The following MYO10 variants were observed in gnomAD, a reference collection of about 807,000 sequenced individuals.
The protein encoded by MYO10 is unconventional myosin-X.
Under a neutral mutation model 257.3 loss-of-function variants are expected in MYO10, and 133 were observed. That is an observed-to-expected ratio of 0.52 (90% CI 0.45 to 0.60). The LOEUF is 0.60. Ranked by LOEUF, MYO10 falls within the 20% of genes least tolerant of loss-of-function variation. The pLI is 0.00. For synonymous variants in MYO10, 1,104 were observed against 1,028.6 expected (o/e 1.07, Z -1.40); for missense variants, 2,399 against 2,635.7 (o/e 0.91, Z 1.97).
chr5:16,838,463 T>C (rs1743378756), intron 2 of MYO10, among the ~76,000 whole-genome samples: 1 of 152,184 alleles, frequency 6.6e-6, no homozygotes, highest in African/African-American at 2.4e-5. Context: ...CTATCAAGGC[T>C]GAGAGGTCAG....
chr5:16,690,330 G>A (rs1203830935), intron 27 of MYO10, among the ~76,000 whole-genome samples: 1 of 152,150 alleles, frequency 6.6e-6, no homozygotes, highest in African/African-American at 2.4e-5. Flanking sequence ...CTGCAGTGGG[G>A]TGGGGAGTGG....
At chr5:16,828,601 CAG>C (rs1488327414) in intron 2 of MYO10, among the ~76,000 whole-genome samples, 7 of 125,038 alleles carry the variant, frequency 5.6e-5, no homozygotes, top group Middle Eastern at 5.9e-3. Context: ...GCCTGGATGA[CAG>C]AGAGAGACTC....
intron 24 of MYO10, among the ~76,000 whole-genome samples, chr5:16,702,337 C>T (rs1249649343): frequency 6.6e-6 from 1 of 152,210 alleles, no homozygotes; most frequent in Non-Finnish European, 1.5e-5. Flanking sequence ...AGAAATTATA[C>T]TCTTGTGATG....
At chr5:16,796,555 T>C (rs1741980288) in intron 3 of MYO10, among the ~76,000 whole-genome samples, 1 of 152,154 alleles carries the variant, frequency 6.6e-6, no homozygotes, top group Admixed American at 6.5e-5. Flanking sequence ...GCCTTAGGCC[T>C]CTCCATGTGG....
chr5:16,891,534 T>A (rs1237880075), intron 1 of MYO10, among the ~76,000 whole-genome samples: 3 of 152,054 alleles, frequency 2.0e-5, no homozygotes, highest in Admixed American at 6.6e-5. Context: ...TAGGAAAATG[T>A]GATAAAATTA....
chr5:16,920,109 C>CA (rs1293920466), intron 1 of MYO10, among the ~76,000 whole-genome samples: 14 of 145,518 alleles, frequency 9.6e-5, no homozygotes, highest in Admixed American at 1.4e-4. Flanking sequence ...CATTCAGTCT[C>CA]AAAAAAGAAA....
chr5:16,827,358 A>G (rs1368233570), intron 2 of MYO10, among the ~76,000 whole-genome samples: 1 of 152,066 alleles, frequency 6.6e-6, no homozygotes, highest in Non-Finnish European at 1.5e-5. Flanking sequence ...GTCTCGACTC[A>G]CTGCAACCTC....
chr5:16,667,714 TCAC>T (rs1282022335), intron 40 of MYO10, among the ~76,000 whole-genome samples: 15 of 152,308 alleles, frequency 9.8e-5, no homozygotes, highest in African/African-American at 3.6e-4. Flanking sequence ...TCCTCTCCAC[TCAC>T]CACGTTGACT....
At chr5:16,889,664 CT>C (rs1744997454) in intron 1 of MYO10, among the ~76,000 whole-genome samples, 1 of 151,700 alleles carries the variant, frequency 6.6e-6, no homozygotes, top group Non-Finnish European at 1.5e-5. Context: ...CCACTAAGAA[CT>C]CTCAAAAACT....
At position 16,870,784 on chromosome 5, in the gene MYO10, C is replaced by T. The variant is rs189801157; in HGVS notation, c.120+6825G>A. Among the ~76,000 whole-genome samples the T allele has an allele frequency of 2.8e-3, 426 of 152,152 alleles. 1 individual carries two copies. Among genetic ancestry groups the T allele is most frequent in the Non-Finnish European group, 4.9e-3 (330 of 68,002 alleles). ...GCATGCGCCTGTAATCCCAGCTACTCAGGAGGCTGAGGCAGGAGAATCACT... is the reference window on the plus strand; with the variant it reads ...GCATGCGCCTGTAATCCCAGCTACTTAGGAGGCTGAGGCAGGAGAATCACT... On this transcript the variant is annotated intron_variant, in intron 2 of 40. Transcript: ENST00000513610.
At chr5:16,681,742 C>A (rs1737011640) in intron 31 of MYO10, 129 bp downstream of exon 31, 3 of 1,239,528 alleles carry the variant, frequency 2.4e-6, no homozygotes, top group East Asian at 5.1e-5. Context: ...AATTAAAAAT[C>A]ACTTACAAAA....
Position 16,823,467 on chromosome 5 carries a change from G to GGGTTTTTTTTTT in MYO10, c.121-5301_121-5300insAAAAAAAAAACC. On this transcript the variant is annotated intron_variant, in intron 2 of 40. Coordinates refer to ENST00000513610, the MANE Select transcript of MYO10 (RefSeq NM_012334.3). ...CTTGCGCGGGGGGGGGGGGAGTGGG[G>GGGTTTTTTTTTT]ATTTTTTTTTTTTTTTTTTTGTGAG... Among the ~76,000 whole-genome samples the GGGTTTTTTTTTT allele has an allele frequency of 2.0e-3, 8 of 3,984 alleles. 1 individual carries two copies. Among genetic ancestry groups the GGGTTTTTTTTTT allele is most frequent in the Non-Finnish European group, 3.5e-3 (6 of 1,738 alleles). The allele number at this position is 3,984 out of a possible 152,430, so 2.6% of individuals were successfully genotyped here.
rs375311233 is a variant in MYO10, at chr5:16,680,007, G to A, written c.4482C>T (p.Asn1494=). The A allele has an allele frequency of 1.1e-4, 179 of 1,613,712 alleles. No homozygotes were observed. Among genetic ancestry groups the A allele is most frequent in the Non-Finnish European group, 1.5e-4 (173 of 1,179,858 alleles). Residue 1494 remains asparagine (N), a synonymous_variant, in exon 33 of 41, where the codon AAC becomes AAT. Transcript: ENST00000513610. ...EATRWSSAIQ[N]VTDTKAPIDT... is the part of the protein sequence containing the mutation. ...CGATCGGGGCCTTGGTGTCAGTCAC[G>A]TTTTGAATGGCACTGGACCACCGGG...
chr5:16,850,938 G>A (rs943450602), intron 2 of MYO10, among the ~76,000 whole-genome samples: 1 of 151,984 alleles, frequency 6.6e-6, no homozygotes, highest in African/African-American at 2.4e-5. Flanking sequence ...GGGACTACAG[G>A]CATGCACCAC....
rs574204804 is a variant in MYO10, at chr5:16,931,800, C to T, written c.21+3988G>A. ...TTCAGGAATTGGTGATACAAGAAGT[C>T]CTCAGCAGTTCCCCTTTACACATGG... On this transcript the variant is annotated intron_variant, in intron 1 of 40. Coordinates refer to ENST00000513610, the MANE Select transcript of MYO10 (RefSeq NM_012334.3). Among the ~76,000 whole-genome samples the T allele has an allele frequency of 1.1e-4, 17 of 152,320 alleles. 1 individual carries two copies. The Middle Eastern group carries it at 0.024, about 213-fold the overall frequency.
chr5:16,700,945 C>A lies in MYO10; in HGVS notation c.3432+18G>T. The A allele has an allele frequency of 6.5e-7, 1 of 1,530,256 alleles. No individual in the cohort carries two copies. The highest frequency in any genetic ancestry group is 8.8e-7 in the Non-Finnish European group (1 of 1,134,024). 94.8% of individuals were successfully genotyped at this position (1,530,256 alleles called of 1,614,324 possible). On this transcript the variant is annotated intron_variant, in intron 25 of 40. Coordinates refer to ENST00000513610, the MANE Select transcript of MYO10 (RefSeq NM_012334.3). ...ACCGGCCACCCATTTCACTGGGACACGCCAGGCAGGTACTTACCGAGGACT... is the reference window on the plus strand; with the variant it reads ...ACCGGCCACCCATTTCACTGGGACAAGCCAGGCAGGTACTTACCGAGGACT...
intron 33 of MYO10, among the ~76,000 whole-genome samples, chr5:16,678,274 A>G (rs1210525428): frequency 6.6e-6 from 1 of 152,096 alleles, no homozygotes; most frequent in Non-Finnish European, 1.5e-5. Context: ...TCTGGTTCCA[A>G]CTGGGCTGGG....
intron 2 of MYO10, among the ~76,000 whole-genome samples, chr5:16,849,832 G>C (rs1743747499): frequency 6.6e-6 from 1 of 152,172 alleles, no homozygotes; most frequent in African/African-American, 2.4e-5. Flanking sequence ...TTTCAAAGCA[G>C]CTAAAATATC....
chr5:16,737,578 G>A lies in MYO10; in HGVS notation c.1929+17250C>T, dbSNP rs76878732. On this transcript the variant is annotated intron_variant, in intron 19 of 40. Transcript: ENST00000513610. ...CACACAGTTAAAAGCAATAACAAAT[G>A]CTATATAACAAGTTAACTTACATGT... 1.3e-3 allele frequency among the ~76,000 whole-genome samples: 201 copies of A among 152,300 alleles called. 2 individuals are homozygous for A. In the East Asian group the frequency reaches 0.028, roughly 21 times the overall value.
Sources: allele counts gnomAD v4.1 joint callset (sites outside exome capture counted in the v4.1 genomes callset), GRCh38; gene constraint gnomAD v4.1.1; transcripts MANE v1.5; gene names NCBI Gene and HGNC (gene_info 2026-07-23, HGNC 2026-07-21).